The following SV2C variants were observed in gnomAD, a reference collection of about 807,000 sequenced individuals.
The protein encoded by SV2C is solute carrier family 22 member B3.
In SV2C, 49 loss-of-function variants were observed where a neutral mutation model predicts 79.7. The ratio of observed to expected loss-of-function variants is 0.61; its 90% CI spans 0.49 to 0.78. The LOEUF (loss-of-function observed/expected upper bound fraction) is 0.78. SV2C is among the 30% of genes least tolerant of loss of function. The pLI is 0.00. For missense variants in SV2C, 833 were observed against 912.9 expected, an observed-to-expected ratio of 0.91 and a Z score of 1.13; for synonymous variants, 334 against 333.2, an observed-to-expected ratio of 1.00 and a Z score of -0.03.
chr5:75,985,397 C>T, the SV2C span, among the ~76,000 whole-genome samples: 84 of 152,046 alleles, frequency 5.5e-4, no homozygotes, highest in South Asian at 1.5e-3. Context: ...GAAACCGTAT[C>T]CAACCCATAG....
chr5:76,228,830 G>A (rs66503019), intron 4 of SV2C, among the ~76,000 whole-genome samples: 7,345 of 152,206 alleles, frequency 0.048, 346 homozygotes, highest in African/African-American at 0.12. Flanking sequence ...AACTGAGGCC[G>A]GGAAGTTAAA....
At chr5:75,944,652 A>C in the SV2C span, among the ~76,000 whole-genome samples, 1 of 152,166 alleles carries the variant, frequency 6.6e-6, no homozygotes, top group Non-Finnish European at 1.5e-5. Context: ...CTGGGTTTGA[A>C]CTAAGGACAG....
intron 2 of SV2C, among the ~76,000 whole-genome samples, chr5:76,140,107 C>T (rs1286450363): frequency 6.6e-6 from 1 of 152,132 alleles, no homozygotes; most frequent in Non-Finnish European, 1.5e-5. Context: ...AGTCAGACTA[C>T]TTGGCATTCC....
At chr5:76,025,197 C>A in the SV2C span, among the ~76,000 whole-genome samples, 1 of 147,556 alleles carries the variant, frequency 6.8e-6, no homozygotes, top group Non-Finnish European at 1.5e-5. Context: ...TTTTATGCTG[C>A]CCTTTTATAA....
At position 76,102,695 on chromosome 5, in the gene SV2C, A is replaced by G. The variant is rs77881520; in HGVS notation, c.-102+19183A>G. ...TTAAAAACCCAAGTTCTGCCCATAT[A>G]CCAAGGGAATCTGTGTGTTCTGCAG... On this transcript the variant is annotated intron_variant, in intron 1 of 12. Transcript: ENST00000502798. 8.2e-3 allele frequency among the ~76,000 whole-genome samples: 1,256 copies of G among 152,274 alleles called. 7 individuals are homozygous for G. The highest frequency in any genetic ancestry group is 0.015 in the Non-Finnish European group (998 of 68,014).
At chr5:76,051,313 A>G in the SV2C span, among the ~76,000 whole-genome samples, 2 of 152,202 alleles carry the variant, frequency 1.3e-5, no homozygotes, top group Non-Finnish European at 2.9e-5. Context: ...GAAGATGGAC[A>G]CAGTAACTGT....
intron 2 of SV2C, among the ~76,000 whole-genome samples, chr5:76,187,964 A>G (rs1743972686): frequency 6.6e-6 from 1 of 152,234 alleles, no homozygotes; most frequent in African/African-American, 2.4e-5. Flanking sequence ...CAATAGTAAT[A>G]TTAATAATTG....
At chr5:76,026,399 A>C in the SV2C span, among the ~76,000 whole-genome samples, 1 of 152,190 alleles carries the variant, frequency 6.6e-6, no homozygotes, top group African/African-American at 2.4e-5. Flanking sequence ...ATTATGGAAG[A>C]TCTATTAGGG....
At chr5:75,927,637 C>T in the SV2C span, among the ~76,000 whole-genome samples, 1 of 152,112 alleles carries the variant, frequency 6.6e-6, no homozygotes. Flanking sequence ...AGAGGATAAT[C>T]TCATGTTGTG....
the SV2C span, among the ~76,000 whole-genome samples, chr5:76,029,188 C>T: frequency 6.6e-6 from 1 of 152,200 alleles, no homozygotes; most frequent in African/African-American, 2.4e-5. Flanking sequence ...CTAAATATAA[C>T]TAACTAACAT....
the SV2C span, chr5:75,921,608 T>C: frequency 5.2e-6 from 5 of 968,764 alleles, no homozygotes; most frequent in Admixed American, 7.1e-5. Flanking sequence ...GACAATTGTG[T>C]TCTTCTCCCC....
chr5:76,195,263 AC>A (rs1430071228), intron 3 of SV2C, among the ~76,000 whole-genome samples, 164 bp downstream of exon 3: 4 of 152,136 alleles, frequency 2.6e-5, no homozygotes, highest in Non-Finnish European at 5.9e-5. Context: ...ATAATTATCA[AC>A]CTTTAAATAC....
chr5:75,877,142 G>T, the SV2C span, among the ~76,000 whole-genome samples: 1 of 151,946 alleles, frequency 6.6e-6, no homozygotes, highest in Non-Finnish European at 1.5e-5. Context: ...AGCTGGAGTG[G>T]CTATACTGAT....
At chr5:76,299,583 G>C (rs1012567270) in intron 10 of SV2C, among the ~76,000 whole-genome samples, 7 of 152,132 alleles carry the variant, frequency 4.6e-5, no homozygotes, top group African/African-American at 1.7e-4. Context: ...CCAAACATTG[G>C]TCTGTGTGTC....
chr5:76,018,556 A>AT, the SV2C span, among the ~76,000 whole-genome samples: 1 of 152,212 alleles, frequency 6.6e-6, no homozygotes, highest in African/African-American at 2.4e-5. Flanking sequence ...AGATATTTGA[A>AT]TTTTTAAACC....
the SV2C span, among the ~76,000 whole-genome samples, chr5:76,025,952 T>C: frequency 1.3e-5 from 2 of 152,162 alleles, no homozygotes; most frequent in African/African-American, 4.8e-5. Context: ...GGCAGTGATT[T>C]TCAACCAGGA....
chr5:76,208,602 A>G (rs138404508), intron 3 of SV2C, among the ~76,000 whole-genome samples: 113 of 152,346 alleles, frequency 7.4e-4, no homozygotes, highest in African/African-American at 2.6e-3. Flanking sequence ...TTATCATATC[A>G]AAGGCTCTAA....
At chr5:76,195,845 A>G (rs1239368921) in intron 3 of SV2C, among the ~76,000 whole-genome samples, 2 of 152,190 alleles carry the variant, frequency 1.3e-5, no homozygotes, top group Non-Finnish European at 2.9e-5. Context: ...AATAATCTGT[A>G]CAACAAACCC....
the SV2C span, among the ~76,000 whole-genome samples, chr5:75,909,036 A>G: frequency 6.6e-6 from 1 of 152,236 alleles, no homozygotes; most frequent in Non-Finnish European, 1.5e-5. Flanking sequence ...AGAGGTAAGA[A>G]GTTGAACATT....
Sources: allele counts gnomAD v4.1 joint callset (sites outside exome capture counted in the v4.1 genomes callset), GRCh38; gene constraint gnomAD v4.1.1; transcripts MANE v1.5; gene names NCBI Gene and HGNC (gene_info 2026-07-23, HGNC 2026-07-21).